Variants in PCSK5 observed in about 807,000 individuals in gnomAD.
PCSK5 encodes the protein proprotein convertase subtilisin/kexin type 5.
PCSK5 carries 129 observed loss-of-function variants against 233.2 expected under a neutral mutation model. That is an observed-to-expected ratio of 0.55 (90% CI 0.48 to 0.64). The LOEUF (loss-of-function observed/expected upper bound fraction) is 0.64. PCSK5 is among the 30% of genes least tolerant of loss of function. The pLI is 0.00. For missense variants in PCSK5, 2,076 were observed against 2,430.1 expected, an observed-to-expected ratio of 0.85 and a Z score of 3.06; for synonymous variants, 825 against 879.2, an observed-to-expected ratio of 0.94 and a Z score of 1.09.
chr9:76,061,684 A>G (rs1357882404), intron 5 of PCSK5, among the ~76,000 whole-genome samples: 1 of 150,612 alleles, frequency 6.6e-6, no homozygotes, highest in Non-Finnish European at 1.5e-5. Context: ...AATTGATTAT[A>G]GTTTACAGTA....
chr9:76,300,090 C>T (rs1828557954), intron 27 of PCSK5, among the ~76,000 whole-genome samples: 1 of 152,154 alleles, frequency 6.6e-6, no homozygotes, highest in South Asian at 2.1e-4. Context: ...TTATCACTAG[C>T]CTGTCTCTTG....
rs895624522 is a variant in PCSK5 at position 76,359,405 on chromosome 9, G to T, written c.*483G>T. Reference sequence around the variant, plus strand: ...GGTGGTGTTTTTCTTCCCTTTAGCTGTCTTTAGGCAGAAATTTGTTTTGTA... The same window carrying T: ...GGTGGTGTTTTTCTTCCCTTTAGCTTTCTTTAGGCAGAAATTTGTTTTGTA... On this transcript the variant is annotated 3_prime_UTR_variant, in exon 38 of 38. Transcript: ENST00000674117. 1.2e-5 allele frequency: 2 copies of T among 161,548 alleles called. No homozygotes were observed. Among genetic ancestry groups the T allele is most frequent in the Non-Finnish European group, 2.7e-5 (2 of 73,118 alleles). 10.0% of individuals were successfully genotyped at this position (161,548 alleles called of 1,614,324 possible).
At chr9:75,946,036 G>A (rs78386782) in intron 2 of PCSK5, among the ~76,000 whole-genome samples, 4,003 of 152,254 alleles carry the variant, frequency 0.026, 181 homozygotes, top group African/African-American at 0.089. Flanking sequence ...TGGAGGCCAT[G>A]CATCTCATTA....
intron 3 of PCSK5, among the ~76,000 whole-genome samples, chr9:75,999,083 T>C (rs1827151302): frequency 6.6e-6 from 1 of 152,176 alleles, no homozygotes; most frequent in African/African-American, 2.4e-5. Flanking sequence ...TATTATACTT[T>C]AAGTTCTGGG....
chr9:76,245,382 C>T (rs1178110642), intron 24 of PCSK5, among the ~76,000 whole-genome samples: 1 of 151,832 alleles, frequency 6.6e-6, no homozygotes, highest in Non-Finnish European at 1.5e-5. Context: ...AAATTCACTG[C>T]CAAATAAGGG....
rs1427039290 is a variant in PCSK5, at chr9:76,069,459, A to T, written c.721+1416A>T. Among the ~76,000 whole-genome samples the T allele has an allele frequency of 0.01, 7 of 696 alleles. No homozygotes were observed. The East Asian group carries it at 0.33, about 33-fold the overall frequency. 0.5% of individuals were successfully genotyped at this position (696 alleles called of 152,430 possible). Reference sequence around the variant, plus strand: ...GACCTAGCTTACAGAACCTTATTTAAAAAAAAAAAAAAGGATATATGGCAA... The same window carrying T: ...GACCTAGCTTACAGAACCTTATTTATAAAAAAAAAAAAGGATATATGGCAA... On this transcript the variant is annotated intron_variant, in intron 6 of 37. Transcript: ENST00000674117.
intron 27 of PCSK5, among the ~76,000 whole-genome samples, chr9:76,301,673 T>G (rs1380510275): frequency 2.0e-5 from 3 of 152,098 alleles, no homozygotes; most frequent in Non-Finnish European, 4.4e-5. Flanking sequence ...TGAAACCCCA[T>G]CTCTACTAAA....
At chr9:76,331,901 C>G (rs545539665) in intron 33 of PCSK5, among the ~76,000 whole-genome samples, 70 of 152,278 alleles carry the variant, frequency 4.6e-4, no homozygotes, top group African/African-American at 1.7e-3. Flanking sequence ...GGACTTCTGA[C>G]CTCCAGAACA....
intron 21 of PCSK5, among the ~76,000 whole-genome samples, chr9:76,228,341 C>T (rs1297204400): frequency 6.6e-6 from 1 of 152,106 alleles, no homozygotes; most frequent in East Asian, 1.9e-4. Flanking sequence ...TAATCTCTTC[C>T]CAGCAAAAAT....
At chr9:76,247,324 G>C (rs1368425896) in intron 24 of PCSK5, among the ~76,000 whole-genome samples, 1 of 152,184 alleles carries the variant, frequency 6.6e-6, no homozygotes, top group African/African-American at 2.4e-5. Context: ...GTGAAATAGA[G>C]TGGAAACAGA....
In PCSK5 at chr9:75,949,571, A is replaced by G. The variant is rs541195422; in HGVS notation, c.297+17088A>G. Among the ~76,000 whole-genome samples the G allele has an allele frequency of 4.9e-3, 740 of 152,238 alleles. 6 individuals carry two copies. Among genetic ancestry groups the G allele is most frequent in the Non-Finnish European group, 7.3e-3 (495 of 68,016 alleles). Reference sequence around the variant, plus strand: ...TTTGAGACGGAGTCTCACTCTTGCCAGGCTGGAGTGCAGTGGCACAATCTC... The same window carrying G: ...TTTGAGACGGAGTCTCACTCTTGCCGGGCTGGAGTGCAGTGGCACAATCTC... On this transcript the variant is annotated intron_variant, in intron 2 of 37. Transcript: ENST00000674117.
At chr9:75,894,203 T>A (rs1825720566) in intron 1 of PCSK5, among the ~76,000 whole-genome samples, 1 of 152,198 alleles carries the variant, frequency 6.6e-6, no homozygotes, top group Admixed American at 6.5e-5. Flanking sequence ...TTTTATATCT[T>A]CGGTATGATA....
At chr9:76,090,182 A>G (rs1162371060) in intron 7 of PCSK5, among the ~76,000 whole-genome samples, 1 of 152,174 alleles carries the variant, frequency 6.6e-6, no homozygotes, top group African/African-American at 2.4e-5. Flanking sequence ...AGGAAAATAT[A>G]TGCCTCAAGA....
chr9:76,128,958 C>T (rs1424711079), intron 9 of PCSK5, among the ~76,000 whole-genome samples: 1 of 152,200 alleles, frequency 6.6e-6, no homozygotes, highest in African/African-American at 2.4e-5. Context: ...GATACTCCTG[C>T]TCGCAGTGGG....
intron 1 of PCSK5, among the ~76,000 whole-genome samples, chr9:75,905,112 CAG>C (rs1318262048): frequency 2.0e-5 from 3 of 152,148 alleles, no homozygotes; most frequent in South Asian, 2.1e-4. Context: ...TCTATAGAGA[CAG>C]AGGGTAGATT....
At chr9:76,177,963 T>TA (rs397934334) in intron 14 of PCSK5, among the ~76,000 whole-genome samples, 2 of 148,232 alleles carry the variant, frequency 1.3e-5, no homozygotes, top group Non-Finnish European at 3.0e-5. Context: ...TTTTTTTTTT[T>TA]AATTCTAGAA....
At chr9:76,249,891 A>T (rs1826745835) in intron 24 of PCSK5, among the ~76,000 whole-genome samples, 1 of 152,250 alleles carries the variant, frequency 6.6e-6, no homozygotes. Context: ...TAACCCAAAG[A>T]ATAAAATAAG....
chr9:76,128,495 A>C (rs907976568), intron 9 of PCSK5, among the ~76,000 whole-genome samples: 1 of 152,208 alleles, frequency 6.6e-6, no homozygotes, highest in African/African-American at 2.4e-5. Context: ...TTGAGCTTGC[A>C]AACAAAATAT....
In PCSK5 at chr9:76,354,208, A is replaced by T. The variant is rs1170303268; in HGVS notation, c.5243A>T (p.Gln1748Leu). 1 of 1,580,098 alleles carries T rather than the reference A, an allele frequency of 6.3e-7. No individual in the cohort carries two copies. Among genetic ancestry groups the T allele is most frequent in the Non-Finnish European group, 8.6e-7 (1 of 1,163,836 alleles). The change falls in exon 37 of 38, where the codon CAG becomes CTG. Residue 1748 changes from glutamine to leucine, a missense_variant. Transcript: ENST00000674117. ...PPSAQECCDC[Q>L]DTTDECILRT... ...AGTGCCCAGGAGTGCTGTGACTGCC[A>T]GGACACCACGGGTGAGGGAAGAGCA...
Sources: allele counts gnomAD v4.1 joint callset (sites outside exome capture counted in the v4.1 genomes callset), GRCh38; gene constraint gnomAD v4.1.1; transcripts MANE v1.5; gene names NCBI Gene and HGNC (gene_info 2026-07-23, HGNC 2026-07-21).